Variants in ULK2 observed in about 807,000 individuals in gnomAD.
ULK2 encodes unc-51 like autophagy activating kinase 2, also known as serine/threonine-protein kinase ULK2.
A neutral mutation model predicts 127.5 loss-of-function variants in ULK2; 76 were observed. The observed-to-expected ratio is 0.60, with a 90% CI of 0.50 to 0.72. The LOEUF is 0.72. ULK2 is among the 30% of genes least tolerant of loss of function. The pLI is 0.00. For synonymous variants in ULK2, 452 were observed against 461.9 expected, an observed-to-expected ratio of 0.98 and a Z score of 0.28; for missense variants, 1,144 against 1,295.9, an observed-to-expected ratio of 0.88 and a Z score of 1.80.
intron 16 of ULK2, among the ~76,000 whole-genome samples, chr17:19,800,451 T>C (rs541598507): frequency 3.6e-4 from 55 of 152,256 alleles, no homozygotes; most frequent in African/African-American, 1.3e-3. Context: ...TGTGCAAGGA[T>C]GAGATTTGGA....
At chr17:19,850,173 C>T (rs965515229) in intron 3 of ULK2, among the ~76,000 whole-genome samples, 1 of 152,166 alleles carries the variant, frequency 6.6e-6, no homozygotes, top group African/African-American at 2.4e-5. Flanking sequence ...AGCAGCAAAA[C>T]AGCATAATCC....
At chr17:19,792,343 A>G (rs921555379) in intron 20 of ULK2, among the ~76,000 whole-genome samples, 1 of 152,242 alleles carries the variant, frequency 6.6e-6, no homozygotes, top group Non-Finnish European at 1.5e-5. Context: ...CTAAGAAAAG[A>G]GGAAACAAGA....
At chr17:19,793,513 C>G (rs1024490750) in intron 20 of ULK2, among the ~76,000 whole-genome samples, 1 of 152,186 alleles carries the variant, frequency 6.6e-6, no homozygotes, top group Non-Finnish European at 1.5e-5. Context: ...AACTGGACCA[C>G]AGACATAAGC....
intron 9 of ULK2, among the ~76,000 whole-genome samples, chr17:19,841,247 A>G (rs2041747037): frequency 6.6e-6 from 1 of 152,184 alleles, no homozygotes; most frequent in African/African-American, 2.4e-5. Context: ...CCTCCCCACA[A>G]GGAACACATG....
At chr17:19,851,326 C>CAAAAAAAAA (rs554643908) in intron 3 of ULK2, among the ~76,000 whole-genome samples, 3 of 41,050 alleles carry the variant, frequency 7.3e-5, no homozygotes, top group African/African-American at 2.8e-4. Flanking sequence ...GACTTCCCCT[C>CAAAAAAAAA]AAAAAAAAAA....
rs1240507042 is a variant in ULK2 at position 19,838,900 on chromosome 17, G to A, written c.705-317C>T. On this transcript the variant is annotated intron_variant, in intron 9 of 26. Coordinates refer to ENST00000395544, the MANE Select transcript of ULK2 (RefSeq NM_014683.4). ...AAAAAAATTAGCTGGGCGTGGTGGC[G>A]GGCACCTGTAGTCCCAGCTACTTGG... is the stretch of plus-strand genomic sequence containing the variant. Among the ~76,000 whole-genome samples, 9 of 151,864 alleles carry A rather than the reference G, an allele frequency of 5.9e-5. 1 individual carries two copies. The highest frequency in any genetic ancestry group is 5.8e-4 in the East Asian group (3 of 5,156).
intron 20 of ULK2, among the ~76,000 whole-genome samples, chr17:19,795,347 T>TAAAAAA (rs755484577): frequency 4.8e-5 from 4 of 82,756 alleles, no homozygotes; most frequent in African/African-American, 1.5e-4. Flanking sequence ...ACCCTACTGA[T>TAAAAAA]AAAAAAAAAA....
chr17:19,833,831 T>A (rs1040158871), intron 10 of ULK2, among the ~76,000 whole-genome samples: 1 of 152,126 alleles, frequency 6.6e-6, no homozygotes, highest in Non-Finnish European at 1.5e-5. Flanking sequence ...TCATCAAGCA[T>A]AGACCATTAA....
At position 19,799,527 on chromosome 17, in the gene ULK2, TGAGGA is replaced by T; in HGVS notation, c.1485_1489del (p.His495GlnfsTer4). 6.3e-7 allele frequency: 1 copy of T among 1,583,836 alleles called. No homozygotes were observed. The highest frequency in any genetic ancestry group is 8.5e-7 in the Non-Finnish European group (1 of 1,171,934). On this transcript the variant is annotated frameshift_variant, in exon 17 of 27. Coordinates refer to ENST00000395544, the MANE Select transcript of ULK2 (RefSeq NM_014683.4). LOFTEE classifies it high-confidence loss of function. ...GTTTCTACTCCTGGAGTCATGGCCC[TGAGGA>T]TGCCCACAGCAGCACTGACTGAATT...
At position 19,786,072 on chromosome 17, in the gene ULK2, A is replaced by G. The variant is rs1289404549; in HGVS notation, c.2116T>C (p.Cys706Arg). Reference protein sequence around the residue: ...RPMDIAPAGACGGVLAPPAGT... With the variant: ...RPMDIAPAGARGGVLAPPAGT... ...GCAGGAGGTGCCAGAACACCACCAC[A>G]GGCTCCTGCCGGAGCTACAACAAAA... is the stretch of plus-strand genomic sequence containing the variant. Residue 706 changes from cysteine to arginine, a missense_variant, in exon 21 of 27, where the codon TGT (cysteine) becomes CGT (arginine). Around this residue, in one of 2 missense-constraint regions of ULK2, gnomAD observed 913 missense variants for 970.5 expected, o/e 0.94. Transcript: ENST00000395544. The G allele has an allele frequency of 6.4e-7, 1 of 1,563,212 alleles. No homozygotes were observed. Among genetic ancestry groups the G allele is most frequent in the Admixed American group, 2.1e-5 (1 of 47,708 alleles).
At chr17:19,864,337 T>C (rs918655475) in intron 3 of ULK2, among the ~76,000 whole-genome samples, 1 of 152,016 alleles carries the variant, frequency 6.6e-6, no homozygotes, top group South Asian at 2.1e-4. Context: ...TAGCTGGGCA[T>C]GGTGGTGCAC....
At chr17:19,846,601 C>T in intron 6 of ULK2, 136 bp downstream of exon 6, 1 of 1,014,142 alleles carries the variant, frequency 9.9e-7, no homozygotes, top group Non-Finnish European at 1.4e-6. Context: ...GATCGCGCCA[C>T]TACACGCCAG....
intron 12 of ULK2, among the ~76,000 whole-genome samples, chr17:19,818,818 T>TTTTA (rs2041063195): frequency 1.1e-5 from 1 of 91,710 alleles, no homozygotes; most frequent in African/African-American, 4.2e-5. Context: ...TTTTTTTTTT[T>TTTTA]GAGATGGAGT....
intron 9 of ULK2, 62 bp downstream of exon 9, chr17:19,841,425 AAC>A: frequency 7.0e-7 from 1 of 1,432,726 alleles, no homozygotes; most frequent in African/African-American, 1.5e-5. Context: ...ACAAAACACA[AAC>A]AGTTCAAATA....
At chr17:19,846,639 C>CA (rs140413803) in intron 6 of ULK2, 98 bp downstream of exon 6, 89,279 of 1,122,956 alleles carry the variant, frequency 0.08, 43 homozygotes, top group East Asian at 0.15. Flanking sequence ...GACTCCATCT[C>CA]AAAAAAAAAA....
At chr17:19,797,828 G>A in intron 17 of ULK2, 146 bp from the exon 18 acceptor site, 1 of 829,514 alleles carries the variant, frequency 1.2e-6, no homozygotes, top group Non-Finnish European at 1.7e-6. Context: ...TACTTGGCAA[G>A]AGACTATTTT....
Position 19,816,032 on chromosome 17 carries a change from G to A in ULK2, c.1096+717C>T, listed in dbSNP as rs983866001. Among the ~76,000 whole-genome samples the A allele has an allele frequency of 5.3e-5, 8 of 152,162 alleles. No individual in the cohort carries two copies. In the East Asian group the frequency reaches 1.5e-3, roughly 29 times the overall value. ...AATTACATTCAGTTTAGGGATTATG[G>A]TCTTCACAACTAGCACAGTGCCTAG... is the stretch of plus-strand genomic sequence containing the variant. On this transcript the variant is annotated intron_variant, in intron 13 of 26. Transcript: ENST00000395544.
rs766264812 is a variant in ULK2, at chr17:19,781,977, G to A, written c.2551C>T (p.Pro851Ser). Residue 851 changes from proline to serine, a missense_variant, in exon 23 of 27, where the codon CCT becomes TCT. Around this residue, in one of 2 missense-constraint regions of ULK2, gnomAD observed 913 missense variants for 970.5 expected, o/e 0.94. Coordinates refer to ENST00000395544, the MANE Select transcript of ULK2 (RefSeq NM_014683.4). ...LDLTAMRGGN[P>S]ELCTSAVSLY... ...GACACAGCAGATGTGCACAGCTCAG[G>A]GTTTCCTCCCCTCATGGCTGTCAGG... 3.1e-6 allele frequency: 5 copies of A among 1,614,192 alleles called. No homozygotes were observed. Among genetic ancestry groups the A allele is most frequent in the East Asian group, 4.5e-5 (2 of 44,890 alleles).
At chr17:19,786,484 C>A (rs559770747) in intron 20 of ULK2, among the ~76,000 whole-genome samples, 18 of 152,142 alleles carry the variant, frequency 1.2e-4, no homozygotes, top group Admixed American at 3.9e-4. Context: ...GAGGCCAAGG[C>A]GGGTGGATCA....
Sources: allele counts gnomAD v4.1 joint callset (sites outside exome capture counted in the v4.1 genomes callset), GRCh38; gene constraint gnomAD v4.1.1; regional missense constraint gnomAD v4.1.1; transcripts MANE v1.5; gene names NCBI Gene and HGNC (gene_info 2026-07-23, HGNC 2026-07-21).